The following ARFGEF1 variants were observed in gnomAD, a reference collection of about 807,000 sequenced individuals.
ARFGEF1 encodes brefeldin A-inhibited guanine nucleotide-exchange protein 1.
A neutral mutation model predicts 231.0 loss-of-function variants in ARFGEF1; 42 were observed. The observed-to-expected ratio is 0.18, with a 90% CI of 0.14 to 0.24. ARFGEF1 has a LOEUF of 0.24. Ranked by LOEUF, ARFGEF1 falls within the 10% of genes least tolerant of loss-of-function variation. The pLI is 1.00. For synonymous variants in ARFGEF1, 710 were observed against 732.3 expected (o/e 0.97, Z 0.49); for missense variants, 1,345 against 2,192.0 (o/e 0.61, Z 7.72).
At chr8:67,219,155 T>TG (rs1377951404) in intron 30 of ARFGEF1, among the ~76,000 whole-genome samples, 1 of 152,134 alleles carries the variant, frequency 6.6e-6, no homozygotes, top group Non-Finnish European at 1.5e-5. Flanking sequence ...TTAGTAGAGA[T>TG]GGGGTTTCAC....
Position 67,221,042 on chromosome 8 carries a change from C to T in ARFGEF1, c.4209-1482G>A, listed in dbSNP as rs542203732. ...AGATTATAATAGAGCTATAAAGTTCCAATTGTCTTGTGACATTGTAGTTGA... is the reference window on the plus strand; with the variant it reads ...AGATTATAATAGAGCTATAAAGTTCTAATTGTCTTGTGACATTGTAGTTGA... On this transcript the variant is annotated intron_variant, in intron 29 of 38. Transcript: ENST00000262215. Among the ~76,000 whole-genome samples, 3 of 151,988 alleles carry T rather than the reference C, an allele frequency of 2.0e-5. No homozygotes were observed. The East Asian group carries it at 5.8e-4, about 29-fold the overall frequency.
chr8:67,288,595 C>T (rs4737831), intron 6 of ARFGEF1, among the ~76,000 whole-genome samples: 151,736 of 152,160 alleles, frequency 1, 75,657 homozygotes, highest in East Asian at 1. Context: ...TAGCCAGGCG[C>T]GGTGGCACAC....
chr8:67,213,876 A>C (rs1472162574), intron 33 of ARFGEF1, among the ~76,000 whole-genome samples: 1 of 152,212 alleles, frequency 6.6e-6, no homozygotes. Context: ...ACAATCACGT[A>C]AGCCAGTTCC....
intron 1 of ARFGEF1, among the ~76,000 whole-genome samples, chr8:67,316,066 C>T (rs1223386280): frequency 2.6e-5 from 4 of 151,912 alleles, no homozygotes; most frequent in Non-Finnish European, 5.9e-5. Context: ...AAAATTGAAA[C>T]TCCAACAAGA....
In ARFGEF1 at chr8:67,267,223, C is replaced by T. The variant is rs1160719812; in HGVS notation, c.1680G>A (p.Gln560=). The T allele has an allele frequency of 6.2e-7, 1 of 1,612,332 alleles. No individual in the cohort carries two copies. Among genetic ancestry groups the T allele is most frequent in the East Asian group, 2.2e-5 (1 of 44,788 alleles). ...QTLTRICADA[Q]SVVDIYVNYD... is the part of the protein sequence containing the mutation. Reference sequence around the variant, plus strand: ...AGTTTACATAAATATCCACTACACTCTGAGCATCTGTAACAATATAACATT... The same window carrying T: ...AGTTTACATAAATATCCACTACACTTTGAGCATCTGTAACAATATAACATT... The change falls in exon 12 of 39, where the codon CAG becomes CAA. Residue 560 remains glutamine (Q), a synonymous_variant. Coordinates refer to ENST00000262215, the MANE Select transcript of ARFGEF1 (RefSeq NM_006421.5).
At chr8:67,335,655 T>C (rs892800992) in intron 1 of ARFGEF1, among the ~76,000 whole-genome samples, 4 of 152,154 alleles carry the variant, frequency 2.6e-5, no homozygotes, top group African/African-American at 9.7e-5. Context: ...TTAAATGAAG[T>C]CTCAATGTAC....
At position 67,301,282 on chromosome 8, in the gene ARFGEF1, T is replaced by A; in HGVS notation, c.254A>T (p.Glu85Val). The A allele has an allele frequency of 6.2e-7, 1 of 1,614,086 alleles. No individual in the cohort carries two copies. Among genetic ancestry groups the A allele is most frequent in the Non-Finnish European group, 8.5e-7 (1 of 1,180,012 alleles). ...IEADKYFLPF[E>V]LACQSKCPRI... ...AGGACATTTGGACTGGCATGCCAACTCAAAAGGCAAGAAGTACTTGTCTGC... is the reference window on the plus strand; with the variant it reads ...AGGACATTTGGACTGGCATGCCAACACAAAAGGCAAGAAGTACTTGTCTGC... The change falls in exon 3 of 39, where the codon GAG becomes GTG. Residue 85 changes from glutamate to valine, a missense_variant. By Grantham distance (121) the Glu-to-Val change is moderately radical. Coordinates refer to ENST00000262215, the MANE Select transcript of ARFGEF1 (RefSeq NM_006421.5).
Position 67,275,988 on chromosome 8 carries a change from G to C in ARFGEF1, c.1325C>G (p.Pro442Arg). 1 of 1,613,110 alleles carries C rather than the reference G, an allele frequency of 6.2e-7. No homozygotes were observed. Residue 442 changes from proline to arginine, a missense_variant, in exon 9 of 39, where the codon CCA (proline) becomes CGA (arginine). Pro to Arg is a moderately radical substitution (Grantham distance 103). This residue lies in a region of ARFGEF1 where 141 missense variants were observed against 259.9 expected (regional missense o/e 0.54). Coordinates refer to ENST00000262215, the MANE Select transcript of ARFGEF1 (RefSeq NM_006421.5). ...KLSMKPLSDG[P>R]PDPKSHELRS... Reference sequence around the variant, plus strand: ...GTTAATAACTTACTTTGGATCTGGTGGTCCATCTGACAGTGGTTTCATTGA... The same window carrying C: ...GTTAATAACTTACTTTGGATCTGGTCGTCCATCTGACAGTGGTTTCATTGA...
At chr8:67,277,055 A>G (rs558899290) in intron 8 of ARFGEF1, among the ~76,000 whole-genome samples, 121 of 152,188 alleles carry the variant, frequency 8.0e-4, no homozygotes, top group African/African-American at 2.8e-3. Context: ...GTAAACATAG[A>G]TGAGACCTAC....
chr8:67,289,117 T>A (rs1048955710), intron 6 of ARFGEF1, among the ~76,000 whole-genome samples: 2 of 152,118 alleles, frequency 1.3e-5, no homozygotes, highest in African/African-American at 2.4e-5. Context: ...TGAAAATATG[T>A]CAAAGCAGCT....
At chr8:67,330,619 T>C (rs1173954360) in intron 1 of ARFGEF1, among the ~76,000 whole-genome samples, 1 of 152,212 alleles carries the variant, frequency 6.6e-6, no homozygotes, top group Non-Finnish European at 1.5e-5. Flanking sequence ...AAAACTCATT[T>C]TTGGACACTG....
chr8:67,277,172 TA>T, intron 8 of ARFGEF1, 109 bp downstream of exon 8: 1 of 1,122,586 alleles, frequency 8.9e-7, no homozygotes, highest in Non-Finnish European at 1.3e-6. Context: ...CCAAACTAAA[TA>T]AAAATCAGGC....
chr8:67,194,206 C>T (rs141956902), downstream of ARFGEF1, among the ~76,000 whole-genome samples: 23 of 152,224 alleles, frequency 1.5e-4, no homozygotes, highest in African/African-American at 4.6e-4. Flanking sequence ...TATTAGTCAC[C>T]GGGATAATGG....
At chr8:67,301,826 C>A (rs1806505215) in intron 2 of ARFGEF1, among the ~76,000 whole-genome samples, 1 of 152,104 alleles carries the variant, frequency 6.6e-6, no homozygotes, top group Non-Finnish European at 1.5e-5. Context: ...GAATCAAAGT[C>A]TTTAAGAAAA....
At chr8:67,215,744 T>C (rs1448853845) in intron 33 of ARFGEF1, among the ~76,000 whole-genome samples, 3 of 152,114 alleles carry the variant, frequency 2.0e-5, no homozygotes, top group Non-Finnish European at 4.4e-5. Flanking sequence ...AACTCCTTGA[T>C]TTAGGACCCA....
intron 9 of ARFGEF1, 24 bp from the exon 10 acceptor site, chr8:67,271,960 A>G (rs775911774): frequency 3.4e-6 from 5 of 1,477,616 alleles, no homozygotes; most frequent in East Asian, 4.5e-5. Flanking sequence ...AAGAAGGCAT[A>G]GTATATGAAC....
At chr8:67,282,651 G>A (rs1805582938) in intron 7 of ARFGEF1, among the ~76,000 whole-genome samples, 1 of 151,864 alleles carries the variant, frequency 6.6e-6, no homozygotes, top group Admixed American at 6.6e-5. Context: ...TTCAAGACCA[G>A]CCTGGCCAAC....
chr8:67,251,297 AC>A lies in ARFGEF1; in HGVS notation c.2850+1del. On this transcript the variant is annotated splice_donor_variant, in intron 19 of 38. Coordinates refer to ENST00000262215, the MANE Select transcript of ARFGEF1 (RefSeq NM_006421.5). LOFTEE classifies it high-confidence loss of function. ...AATCAAACATTACTTGAAAATTCTA[AC>A]CTTAAACATGGGCCTCACATGCTCC... 1 of 1,580,378 alleles carries A rather than the reference AC, an allele frequency of 6.3e-7. No individual in the cohort carries two copies. Among genetic ancestry groups the A allele is most frequent in the Non-Finnish European group, 8.6e-7 (1 of 1,167,048 alleles).
chr8:67,286,723 C>A (rs913020338), intron 7 of ARFGEF1, among the ~76,000 whole-genome samples: 5 of 151,870 alleles, frequency 3.3e-5, no homozygotes, highest in African/African-American at 1.2e-4. Flanking sequence ...TAAATTCATA[C>A]TCTTCAAATC....
Sources: gnomAD v4.1 joint callset for allele counts (sites outside exome capture counted in the v4.1 genomes callset) on GRCh38, gnomAD v4.1.1 for gene constraint, gnomAD v4.1.1 regional missense constraint, MANE v1.5 for transcripts, NCBI Gene and HGNC (gene_info 2026-07-23, HGNC 2026-07-21) for gene names.